Variants in FANCA observed in about 807,000 individuals in gnomAD.
The protein encoded by FANCA is FA complementation group A, also known as Fanconi anemia group A protein.
A neutral mutation model predicts 194.3 loss-of-function variants in FANCA; 236 were observed. The ratio of observed to expected loss-of-function variants is 1.21; its 90% confidence interval spans 1.09 to 1.35. The LOEUF (loss-of-function observed/expected upper bound fraction) is 1.35, where lower values mean the gene tolerates loss of function less well. Among genes scored for constraint, FANCA ranks in the 40% most tolerant of loss-of-function variants. FANCA has a pLI of 0.00. For missense variants in FANCA, 2,628 were observed against 1,813.9 expected, an observed-to-expected ratio of 1.45 and a Z score of -8.15; for synonymous variants, 1,014 against 715.8, an observed-to-expected ratio of 1.42 and a Z score of -6.65.
intron 14 of FANCA, chr16:89,790,937 C>T: frequency 4.8e-6 from 1 of 206,610 alleles, no homozygotes; most frequent in Admixed American, 5.3e-5. Flanking sequence ...TCAAGTAATC[C>T]TTGCGTCTCA....
rs757143742 is a variant in FANCA, at chr16:89,746,719, G to A, written c.3409-31C>T. The A allele has an allele frequency of 4.9e-5, 79 of 1,606,924 alleles. No individual in the cohort carries two copies. In the Admixed American group the frequency reaches 7.7e-4, roughly 16 times the overall value. On this transcript the variant is annotated intron_variant, in intron 34 of 42. Coordinates refer to ENST00000389301, the MANE Select transcript of FANCA (RefSeq NM_000135.4). ...GGAGAGAACGCAGCAGGAGGTCAGC[G>A]GTTTGTGAGGACCCACAACTAGTAG...
At chr16:89,764,754 C>A (rs1368458444) in intron 28 of FANCA, 136 bp downstream of exon 28, 5 of 1,078,954 alleles carry the variant, frequency 4.6e-6, no homozygotes, top group Non-Finnish European at 7.2e-6. Context: ...TCGGCACACA[C>A]ACACCCTAGA....
In FANCA at chr16:89,799,178, A is replaced by G. The variant is rs1555566545; in HGVS notation, c.881T>C (p.Ile294Thr). 2 of 1,614,136 alleles carry G rather than the reference A, an allele frequency of 1.2e-6. No homozygotes were observed. The highest frequency in any genetic ancestry group is 1.7e-6 in the Non-Finnish European group (2 of 1,180,036). The stretch of plus-strand genomic sequence containing the variant: ...CTCAGGAACATACCAGCACCTCACG[A>G]TCTTGTGAGTGGAGGACTCCTCCTG... ...GVQEESSTHK[I>T]VRCWFGVFSG... Residue 294 changes from isoleucine (I) to threonine (T), a missense_variant, in exon 10 of 43, where the codon ATC (isoleucine) becomes ACC (threonine). Coordinates refer to ENST00000389301, the MANE Select transcript of FANCA (RefSeq NM_000135.4).
intron 36 of FANCA, 173 bp downstream of exon 36, chr16:89,744,786 A>G (rs910991492): frequency 1.5e-6 from 1 of 675,182 alleles, no homozygotes; most frequent in Non-Finnish European, 2.7e-6. Context: ...CCTCCCCAGT[A>G]GTTGGGATTA....
chr16:89,749,995 C>A (rs1343815916), intron 31 of FANCA, 93 bp from the exon 32 acceptor site: 3 of 1,309,160 alleles, frequency 2.3e-6, no homozygotes, highest in African/African-American at 1.4e-5. Flanking sequence ...GGAGAGGTCT[C>A]CACAGTGGAC....
intron 5 of FANCA, among the ~76,000 whole-genome samples, chr16:89,808,884 C>G (rs558219764): frequency 9.2e-5 from 14 of 152,124 alleles, no homozygotes; most frequent in Admixed American, 5.2e-4. Flanking sequence ...GCAGCCTCCC[C>G]TTCTCATCCC....
At chr16:89,814,929 A>C (rs1357163505) in intron 2 of FANCA, among the ~76,000 whole-genome samples, 1 of 152,188 alleles carries the variant, frequency 6.6e-6, no homozygotes, top group Non-Finnish European at 1.5e-5. Context: ...CTACAGTGTG[A>C]GACTTTGTCT....
Position 89,784,945 on chromosome 16 carries a change from C to T in FANCA, c.1379G>A (p.Arg460Gln). 1 of 1,614,004 alleles carries T rather than the reference C, an allele frequency of 6.2e-7. No individual in the cohort carries two copies. Among genetic ancestry groups the T allele is most frequent in the Non-Finnish European group, 8.5e-7 (1 of 1,179,952 alleles). The change falls in exon 15 of 43, where the codon CGA becomes CAA. Residue 460 changes from arginine to glutamine, a missense_variant. Coordinates refer to ENST00000389301, the MANE Select transcript of FANCA (RefSeq NM_000135.4). ...CTTCTTGCTGCAGCCATGGTAGCCTCGTGTGCTCCCAAAGGAGGCCTGTGT... is the reference window on the plus strand; with the variant it reads ...CTTCTTGCTGCAGCCATGGTAGCCTTGTGTGCTCCCAAAGGAGGCCTGTGT... Reference protein sequence around the residue: ...DWFKASFGSTRGYHGCSKKAL... With the variant: ...DWFKASFGSTQGYHGCSKKAL...
chr16:89,809,330 G>C (rs2040788414), intron 5 of FANCA, among the ~76,000 whole-genome samples: 1 of 152,182 alleles, frequency 6.6e-6, no homozygotes, highest in African/African-American at 2.4e-5. Flanking sequence ...TGTGGATTTA[G>C]TGGCTTGTTT....
chr16:89,808,476 A>G, intron 5 of FANCA, 109 bp from the exon 6 acceptor site: 1 of 1,142,352 alleles, frequency 8.8e-7, no homozygotes, highest in Non-Finnish European at 1.3e-6. Context: ...GTTCTTAACC[A>G]TGCCGTATTG....
chr16:89,767,883 C>T (rs536281603), intron 26 of FANCA, among the ~76,000 whole-genome samples: 85 of 152,102 alleles, frequency 5.6e-4, no homozygotes, highest in Middle Eastern at 6.8e-3. Flanking sequence ...ACGGGGTTTC[C>T]CCATGTTGGA....
chr16:89,761,854 G>A (rs1245696929), intron 29 of FANCA, 95 bp downstream of exon 29: 1 of 996,140 alleles, frequency 1.0e-6, no homozygotes, highest in African/African-American at 1.6e-5. Flanking sequence ...TCAAACTCCT[G>A]GATTCAAGAG....
chr16:89,742,519 C>T (rs998876615), intron 37 of FANCA, among the ~76,000 whole-genome samples: 2 of 152,006 alleles, frequency 1.3e-5, no homozygotes, highest in Non-Finnish European at 2.9e-5. Context: ...CAAAGTCTTA[C>T]TCCAAGCCAG....
At chr16:89,799,360 T>G (rs2143583090) in intron 9 of FANCA, 128 bp from the exon 10 acceptor site, 4 of 1,105,148 alleles carry the variant, frequency 3.6e-6, no homozygotes, top group Middle Eastern at 2.8e-4. Context: ...CCATCAAGAC[T>G]TCTACAATCT....
chr16:89,791,899 G>A (rs776627469), intron 13 of FANCA, 28 bp downstream of exon 13: 6 of 1,613,640 alleles, frequency 3.7e-6, no homozygotes, highest in Non-Finnish European at 5.1e-6. Context: ...CTCTTGACCA[G>A]CACCACCGGG....
At chr16:89,738,753 C>G (rs768269080) in intron 42 of FANCA, 45 bp from the exon 43 acceptor site, 1 of 1,612,756 alleles carries the variant, frequency 6.2e-7, no homozygotes, top group East Asian at 2.2e-5. Flanking sequence ...CCCACTAGGC[C>G]TCAGACCACA....
chr16:89,810,588 G>T, intron 5 of FANCA, 119 bp downstream of exon 5: 1 of 780,700 alleles, frequency 1.3e-6, no homozygotes, highest in South Asian at 1.4e-5. Flanking sequence ...TCCACTCTCT[G>T]TAATTAATGA....
intron 23 of FANCA, 140 bp from the exon 24 acceptor site, chr16:89,770,774 T>C: frequency 1.3e-6 from 1 of 750,458 alleles, no homozygotes; most frequent in East Asian, 2.7e-5. Context: ...GGAGGGCATG[T>C]TACAATGCAA....
rs2143422330 is a variant in FANCA, at chr16:89,778,810, G to C, written c.1817C>G (p.Ser606Cys). 8 of 1,613,986 alleles carry C rather than the reference G, an allele frequency of 5.0e-6. No individual in the cohort carries two copies. The highest frequency in any genetic ancestry group is 6.8e-6 in the Non-Finnish European group (8 of 1,179,984). Reference sequence around the variant, plus strand: ...AACCGTTGCTGCATACCTCTTCAGAGACTCTATAAACGCCACACGGGAGTC... The same window carrying C: ...AACCGTTGCTGCATACCTCTTCAGACACTCTATAAACGCCACACGGGAGTC... The part of the protein sequence containing the change: ...VPDSRVAFIE[S>C]LKRADKIPPS... The change falls in exon 20 of 43, where the codon TCT (serine) becomes TGT (cysteine). Residue 606 changes from serine to cysteine, a missense_variant. Coordinates refer to ENST00000389301, the MANE Select transcript of FANCA (RefSeq NM_000135.4).
Sources: gnomAD v4.1 joint callset for allele counts (sites outside exome capture counted in the v4.1 genomes callset) on GRCh38, gnomAD v4.1.1 for gene constraint, MANE v1.5 for transcripts, NCBI Gene and HGNC (gene_info 2026-07-23, HGNC 2026-07-21) for gene names.